The following VPS13B variants were observed in gnomAD, a reference collection of about 807,000 sequenced individuals.
VPS13B encodes vacuolar protein sorting 13 homolog B.
VPS13B carries 285 observed loss-of-function variants against 426.4 expected under a neutral mutation model. That is an observed-to-expected ratio of 0.67 (90% CI 0.61 to 0.74). The LOEUF (loss-of-function observed/expected upper bound fraction) is 0.74, where lower values mean the gene tolerates loss of function less well. Ranked by LOEUF, VPS13B falls within the 30% of genes least tolerant of loss-of-function variation. VPS13B has a pLI of 0.00. For missense variants in VPS13B, 4,537 were observed against 4,782.6 expected (o/e 0.95, Z 1.51); for synonymous variants, 1,676 against 1,676.4 (o/e 1.00, Z 0.01).
chr8:99,763,464 A>G (rs746537855), intron 39 of VPS13B, among the ~76,000 whole-genome samples: 8 of 152,214 alleles, frequency 5.3e-5, no homozygotes, highest in Non-Finnish European at 1.0e-4. Context: ...TCCACCAGAG[A>G]AGATGTCACA....
intron 35 of VPS13B, among the ~76,000 whole-genome samples, chr8:99,667,500 G>T (rs1830534240): frequency 6.6e-6 from 1 of 152,064 alleles, no homozygotes; most frequent in South Asian, 2.1e-4. Flanking sequence ...TTAAACAAAA[G>T]TACTTTTTTT....
intron 3 of VPS13B, among the ~76,000 whole-genome samples, chr8:99,055,983 T>C (rs894623816): frequency 6.6e-6 from 1 of 151,476 alleles, no homozygotes; most frequent in African/African-American, 2.4e-5. Context: ...TCAAGTGATC[T>C]TCCCACCTTG....
rs186755493 is a variant in VPS13B at position 99,749,538 on chromosome 8, C to T, written c.7051-17236C>T. Among the ~76,000 whole-genome samples the T allele has an allele frequency of 9.9e-5, 15 of 152,092 alleles. No homozygotes were observed. The East Asian group carries it at 1.5e-3, about 16-fold the overall frequency. On this transcript the variant is annotated intron_variant, in intron 39 of 61. Transcript: ENST00000357162. ...TTATTTCATTTAACGTAATGTCCTC[C>T]GGTTCCATCTATGTTGTGGTAAATG...
intron 3 of VPS13B, among the ~76,000 whole-genome samples, chr8:99,081,823 C>T (rs537681671): frequency 6.6e-5 from 10 of 151,856 alleles, no homozygotes; most frequent in African/African-American, 1.2e-4. Context: ...AGTATTCCAT[C>T]GTGTATATGT....
intron 19 of VPS13B, among the ~76,000 whole-genome samples, chr8:99,309,931 TC>T (rs1456577207): frequency 2.6e-5 from 4 of 152,208 alleles, no homozygotes; most frequent in Non-Finnish European, 5.9e-5. Context: ...GGTATTTTAT[TC>T]TCTTTGAAGA....
chr8:99,205,364 G>T (rs540250019), intron 17 of VPS13B, among the ~76,000 whole-genome samples: 2 of 152,228 alleles, frequency 1.3e-5, no homozygotes, highest in African/African-American at 4.8e-5. Context: ...TGGGGTAGGG[G>T]GATAGGGGAG....
At chr8:99,068,075 T>G (rs1364002154) in intron 3 of VPS13B, among the ~76,000 whole-genome samples, 3 of 152,230 alleles carry the variant, frequency 2.0e-5, no homozygotes, top group Non-Finnish European at 4.4e-5. Flanking sequence ...GAAATATTTG[T>G]ATTTTTCTTC....
At chr8:99,682,192 A>T (rs1831182384) in intron 35 of VPS13B, among the ~76,000 whole-genome samples, 1 of 152,176 alleles carries the variant, frequency 6.6e-6, no homozygotes, top group Non-Finnish European at 1.5e-5. Flanking sequence ...CTGTCCAAGC[A>T]TGGTGGCTCA....
In VPS13B at chr8:99,274,154, T is replaced by C. The variant is rs1818764276; in HGVS notation, c.2516-44T>C. 3 of 1,612,950 alleles carry C rather than the reference T, an allele frequency of 1.9e-6. No individual in the cohort carries two copies. The Admixed American group carries it at 5.0e-5, about 27-fold the overall frequency. ...CCTTGGTGAAGGAATATAAAAATTA[T>C]TTAAATTCAATCGGCTAGTACATTT... On this transcript the variant is annotated intron_variant, in intron 17 of 61. Coordinates refer to ENST00000357162, the MANE Select transcript of VPS13B (RefSeq NM_152564.5).
At chr8:99,806,094 T>A (rs926631562) in intron 43 of VPS13B, among the ~76,000 whole-genome samples, 1 of 152,228 alleles carries the variant, frequency 6.6e-6, no homozygotes, top group African/African-American at 2.4e-5. Flanking sequence ...CCTCTCCACG[T>A]GCTCTCACTC....
chr8:99,076,684 C>T (rs143916929), intron 3 of VPS13B, among the ~76,000 whole-genome samples: 40 of 140,400 alleles, frequency 2.8e-4, no homozygotes, highest in Non-Finnish European at 3.7e-4. Flanking sequence ...CTTCTGTTTG[C>T]TTTTGTTTTT....
intron 19 of VPS13B, among the ~76,000 whole-genome samples, chr8:99,294,968 G>A (rs773602176): frequency 4.0e-4 from 61 of 152,134 alleles, no homozygotes; most frequent in Non-Finnish European, 7.4e-4. Context: ...TGTTTGACTA[G>A]TTTCTCCTTT....
chr8:99,531,295 T>C (rs1822920129), intron 30 of VPS13B, among the ~76,000 whole-genome samples: 1 of 152,244 alleles, frequency 6.6e-6, no homozygotes, highest in Non-Finnish European at 1.5e-5. Context: ...GCTAATGATT[T>C]TGATTGCCAT....
At chr8:99,229,594 G>A (rs1816209983) in intron 17 of VPS13B, among the ~76,000 whole-genome samples, 1 of 152,142 alleles carries the variant, frequency 6.6e-6, no homozygotes, top group Admixed American at 6.5e-5. Flanking sequence ...CTCATGTAGA[G>A]AAAAGGTATG....
At chr8:99,038,827 C>T (rs891189091) in intron 3 of VPS13B, among the ~76,000 whole-genome samples, 2 of 151,594 alleles carry the variant, frequency 1.3e-5, no homozygotes, top group African/African-American at 4.8e-5. Flanking sequence ...GCTGGGACTA[C>T]AGGTGTGCGC....
chr8:99,430,204 C>T (rs1817013598), intron 21 of VPS13B, among the ~76,000 whole-genome samples: 1 of 152,016 alleles, frequency 6.6e-6, no homozygotes, highest in Non-Finnish European at 1.5e-5. Flanking sequence ...TCTTCATGCC[C>T]TTAAGGTATT....
intron 30 of VPS13B, among the ~76,000 whole-genome samples, chr8:99,547,896 G>C (rs552599762): frequency 2.1e-4 from 32 of 152,210 alleles, no homozygotes; most frequent in African/African-American, 7.0e-4. Context: ...TTTAAAGGCT[G>C]CAATAAGGAG....
intron 19 of VPS13B, among the ~76,000 whole-genome samples, chr8:99,316,537 T>G (rs1439623155): frequency 6.6e-6 from 1 of 152,114 alleles, no homozygotes; most frequent in Non-Finnish European, 1.5e-5. Flanking sequence ...CAAGGTTCTC[T>G]CTCTTCACTA....
At chr8:99,462,515 CTATG>C (rs1214868949) in intron 23 of VPS13B, among the ~76,000 whole-genome samples, 1 of 151,986 alleles carries the variant, frequency 6.6e-6, no homozygotes, top group Non-Finnish European at 1.5e-5. Context: ...GGTATTCTTC[CTATG>C]TACAGCTTTC....
Sources: allele counts gnomAD v4.1 joint callset (sites outside exome capture counted in the v4.1 genomes callset), GRCh38; gene constraint gnomAD v4.1.1; transcripts MANE v1.5; gene names NCBI Gene and HGNC (gene_info 2026-07-23, HGNC 2026-07-21).